The following TARBP2 variants were observed in gnomAD, a reference collection of about 807,000 sequenced individuals.
TARBP2 encodes RISC-loading complex subunit TARBP2.
TARBP2 carries 23 observed loss-of-function variants against 40.4 expected under a neutral mutation model. The observed-to-expected ratio is 0.57, with a 90% CI of 0.41 to 0.81. The LOEUF (loss-of-function observed/expected upper bound fraction) is 0.81. Among genes scored for constraint, TARBP2 ranks in the 30% least tolerant of loss-of-function variants. The pLI, the probability that TARBP2 is intolerant of heterozygous loss-of-function variation, is 0.00. For synonymous variants in TARBP2, 183 were observed against 190.5 expected (o/e 0.96, Z 0.32); for missense variants, 358 against 473.7 (o/e 0.76, Z 2.27).
upstream of TARBP2, chr12:53,501,236 C>T (rs1219661724): frequency 1.5e-6 from 1 of 687,176 alleles, no homozygotes; most frequent in Non-Finnish European, 2.4e-6. Context: ...TAGCTCCCCT[C>T]CAGATGGAGG....
intron 1 of TARBP2, chr12:53,501,716 C>T: frequency 7.0e-7 from 1 of 1,432,120 alleles, no homozygotes; most frequent in Non-Finnish European, 9.1e-7. Flanking sequence ...TTGGTGGGTA[C>T]TGGGTTCCTG....
In TARBP2 at chr12:53,501,583, G is replaced by A. The variant is rs1347908677; in HGVS notation, c.53+122G>A. Reference sequence around the variant, plus strand: ...GTTCCCGGCAAGCACTGGGGCAGTGGGCAGTGGTTCCCGGCGTGCACCGGG... The same window carrying A: ...GTTCCCGGCAAGCACTGGGGCAGTGAGCAGTGGTTCCCGGCGTGCACCGGG... On this transcript the variant is annotated intron_variant, in intron 1 of 8. Coordinates refer to ENST00000266987, the MANE Select transcript of TARBP2 (RefSeq NM_134323.2). The A allele has an allele frequency of 2.9e-5, 44 of 1,496,986 alleles. 1 individual carries two copies. In the South Asian group the frequency reaches 4.8e-4, roughly 16 times the overall value. The allele number at this position is 1,496,986 out of a possible 1,614,324, so 92.7% of individuals were successfully genotyped here. A position where few individuals can be genotyped will look rare whatever the true frequency, so the allele number is the denominator to read the frequency against.
rs1252357211 is a variant in TARBP2 at position 53,505,304 on chromosome 12, A to G, written c.741+42A>G. On this transcript the variant is annotated intron_variant, in intron 7 of 8. Transcript: ENST00000266987. The surrounding 1 kb of genome is among the most constrained non-coding windows in gnomAD (Gnocchi z 4.5). Reference sequence around the variant, plus strand: ...GGCCGGGCACCGTGGCCCATCCTCCATGCCAGGGCAGGGCTCCAGGGACTT... The same window carrying G: ...GGCCGGGCACCGTGGCCCATCCTCCGTGCCAGGGCAGGGCTCCAGGGACTT... 1 of 1,551,374 alleles carries G rather than the reference A, an allele frequency of 6.4e-7. No individual in the cohort carries two copies. The highest frequency in any genetic ancestry group is 2.3e-5 in the East Asian group (1 of 43,886).
intron 4 of TARBP2, 155 bp from the exon 5 acceptor site, chr12:53,504,242 G>A: frequency 1.5e-6 from 1 of 680,278 alleles, no homozygotes; most frequent in Non-Finnish European, 2.4e-6. Flanking sequence ...GCTAGAGCAG[G>A]AGGAGCAGGC....
rs748369421 is a variant in TARBP2, at chr12:53,505,465, G to C, written c.742-184G>C. On this transcript the variant is annotated intron_variant, in intron 7 of 8. Transcript: ENST00000266987. The surrounding 1 kb of genome is among the most constrained non-coding windows in gnomAD (Gnocchi z 4.5). The stretch of plus-strand genomic sequence containing the variant: ...CTCTGTAGCTCTGTTACTGGGGTGA[G>C]GAGGGATCCCTGGCCATCTGGCCCA... Among the ~76,000 whole-genome samples the C allele has an allele frequency of 6.6e-6, 1 of 152,220 alleles. No individual in the cohort carries two copies. The highest frequency in any genetic ancestry group is 1.5e-5 in the Non-Finnish European group (1 of 68,028).
Position 53,505,136 on chromosome 12 carries a change from G to A in TARBP2, c.615G>A (p.Gly205=), listed in dbSNP as rs200876264. The A allele has an allele frequency of 1.7e-4, 269 of 1,605,626 alleles. No individual in the cohort carries two copies. The highest frequency in any genetic ancestry group is 2.1e-4 in the Non-Finnish European group (247 of 1,173,488). Residue 205 remains glycine, a splice_region_variant and synonymous_variant, in exon 7 of 9, where the codon GGG becomes GGA. Transcript: ENST00000266987. This position sits in a 1 kb window ranked among gnomAD's most constrained non-coding sequence, Gnocchi z 4.5. ...CAGCAGCCCTCTCTCCACATGCAGGGAGTGGCACTTCCAAAAAATTGGCAA... is the reference window on the plus strand; with the variant it reads ...CAGCAGCCCTCTCTCCACATGCAGGAAGTGGCACTTCCAAAAAATTGGCAA... ...TCRVERFIEI[G]SGTSKKLAKR...
intron 2 of TARBP2, 44 bp downstream of exon 2, chr12:53,502,228 G>T (rs760893410): frequency 1.6e-5 from 26 of 1,606,800 alleles, no homozygotes; most frequent in Non-Finnish European, 2.0e-5. Context: ...GCATTTGCAG[G>T]TCCCCATGGC....
rs898222132 is a variant in TARBP2 at position 53,501,297 on chromosome 12, C to G, written c.-112C>G. On this transcript the variant is annotated 5_prime_UTR_variant, in exon 1 of 9. Coordinates refer to ENST00000266987, the MANE Select transcript of TARBP2 (RefSeq NM_134323.2). ...CTCCATATCCCAGCGTGCCCCGCGGCGGGCCCTACCGGCCGCGACTCCGGG... is the reference window on the plus strand; with the variant it reads ...CTCCATATCCCAGCGTGCCCCGCGGGGGGCCCTACCGGCCGCGACTCCGGG... 1 of 1,199,510 alleles carries G rather than the reference C, an allele frequency of 8.3e-7. No homozygotes were observed. The highest frequency in any genetic ancestry group is 1.5e-5 in the African/African-American group (1 of 65,792). 74.3% of individuals were successfully genotyped at this position (1,199,510 alleles called of 1,614,324 possible).
Position 53,505,102 on chromosome 12 carries a change from A to G in TARBP2, c.614-33A>G. On this transcript the variant is annotated intron_variant, in intron 6 of 8. Coordinates refer to ENST00000266987, the MANE Select transcript of TARBP2 (RefSeq NM_134323.2). This position sits in a 1 kb window ranked among gnomAD's most constrained non-coding sequence, Gnocchi z 4.5. ...GGTGGAAGCACTGGGTCTGTGGGGA[A>G]TCATAACCCAGCAGCCCTCTCTCCA... is the stretch of plus-strand genomic sequence containing the variant. 1 of 1,577,760 alleles carries G rather than the reference A, an allele frequency of 6.3e-7. No individual in the cohort carries two copies. Among genetic ancestry groups the G allele is most frequent in the Non-Finnish European group, 8.7e-7 (1 of 1,155,058 alleles).
chr12:53,503,936 A>T, intron 4 of TARBP2, 128 bp downstream of exon 4: 1 of 723,712 alleles, frequency 1.4e-6, no homozygotes, highest in South Asian at 1.6e-5. Flanking sequence ...AATAGTTGGG[A>T]ACCAGAACTT....
Position 53,506,030 on chromosome 12 carries a change from A to T in TARBP2, c.983A>T (p.Glu328Val), listed in dbSNP as rs1011575053. Residue 328 changes from glutamate to valine, a missense_variant, in exon 9 of 9, where the codon GAA becomes GTA. Physicochemically the swap from Glu to Val is moderately radical, Grantham distance 121 (BLOSUM62 -2). Coordinates refer to ENST00000266987, the MANE Select transcript of TARBP2 (RefSeq NM_134323.2). ...AGTGGACTCTGCCAGTGCCTGGTGG[A>T]ACTGTCCACCCAGCCGGCCACTGTG... is the stretch of plus-strand genomic sequence containing the variant. The part of the protein sequence containing the change: ...SLSGLCQCLV[E>V]LSTQPATVCH... 1.1e-5 allele frequency: 17 copies of T among 1,613,894 alleles called. No individual in the cohort carries two copies. The highest frequency in any genetic ancestry group is 6.7e-5 in the African/African-American group (5 of 74,896).
chr12:53,505,731 A>C lies in TARBP2; in HGVS notation c.824A>C (p.Lys275Thr). Residue 275 changes from lysine to threonine, a missense_variant, in exon 8 of 9, where the codon AAG becomes ACG. Transcript: ENST00000266987. This position sits in a 1 kb window ranked among gnomAD's most constrained non-coding sequence, Gnocchi z 4.5. ...WDSLRNSVGE[K>T]ILSLRSCSLG... is the part of the protein sequence containing the mutation. The stretch of plus-strand genomic sequence containing the variant: ...TCTCTACGAAATTCAGTAGGAGAGA[A>C]GATCCTGTCCCTCCGCAGTTGCTCC... 6.2e-7 allele frequency: 1 copy of C among 1,614,054 alleles called. No homozygotes were observed. The highest frequency in any genetic ancestry group is 2.2e-5 in the East Asian group (1 of 44,874).
chr12:53,504,295 G>T, intron 4 of TARBP2, 102 bp from the exon 5 acceptor site: 1 of 1,104,204 alleles, frequency 9.1e-7, no homozygotes, highest in East Asian at 2.6e-5. Flanking sequence ...GGAATCGGGA[G>T]ATGGTAGTCA....
Position 53,501,340 on chromosome 12 carries a change from C to T in TARBP2, c.-69C>T. Reference sequence around the variant, plus strand: ...ACTCCGGGCTTGGCCCCGGCCCTAGCTCGTCGGCTGTGTATTGGGGCGCGT... The same window carrying T: ...ACTCCGGGCTTGGCCCCGGCCCTAGTTCGTCGGCTGTGTATTGGGGCGCGT... On this transcript the variant is annotated 5_prime_UTR_variant, in exon 1 of 9. Coordinates refer to ENST00000266987, the MANE Select transcript of TARBP2 (RefSeq NM_134323.2). 3 of 1,535,812 alleles carry T rather than the reference C, an allele frequency of 2.0e-6. No homozygotes were observed. The highest frequency in any genetic ancestry group is 2.6e-6 in the Non-Finnish European group (3 of 1,134,942).
At position 53,504,389 on chromosome 12, in the gene TARBP2, T is replaced by C; in HGVS notation, c.423-8T>C. Reference sequence around the variant, plus strand: ...ACCTCAACTTTGGCCCTGTGCCTTTTCCTTCAGGAGCCCCCCCATGGAACT... The same window carrying C: ...ACCTCAACTTTGGCCCTGTGCCTTTCCCTTCAGGAGCCCCCCCATGGAACT... On this transcript the variant is annotated splice_polypyrimidine_tract_variant and splice_region_variant and intron_variant, in intron 4 of 8. Coordinates refer to ENST00000266987, the MANE Select transcript of TARBP2 (RefSeq NM_134323.2). 1 of 1,552,378 alleles carries C rather than the reference T, an allele frequency of 6.4e-7. No homozygotes were observed. Among genetic ancestry groups the C allele is most frequent in the Non-Finnish European group, 8.6e-7 (1 of 1,156,514 alleles).
At chr12:53,504,282 G>T in intron 4 of TARBP2, 115 bp from the exon 5 acceptor site, 2 of 981,666 alleles carry the variant, frequency 2.0e-6, no homozygotes, top group Non-Finnish European at 1.5e-6. Context: ...CTCCCCACCC[G>T]GTGGAATCGG....
At position 53,505,897 on chromosome 12, in the gene TARBP2, G is replaced by A. The variant is rs192396592; in HGVS notation, c.943+47G>A. 2,407 of 1,607,120 alleles carry A rather than the reference G, an allele frequency of 1.5e-3. 6 individuals are homozygous for A. Among genetic ancestry groups the A allele is most frequent in the Non-Finnish European group, 1.9e-3 (2,256 of 1,174,524 alleles). On this transcript the variant is annotated intron_variant, in intron 8 of 8. Coordinates refer to ENST00000266987, the MANE Select transcript of TARBP2 (RefSeq NM_134323.2). The surrounding 1 kb of genome is among the most constrained non-coding windows in gnomAD (Gnocchi z 4.5). ...GCCAGGGGATGGTGGGGGCTGGACCGGAGCAAGTAGAAGGGGGTGATGATA... is the reference window on the plus strand; with the variant it reads ...GCCAGGGGATGGTGGGGGCTGGACCAGAGCAAGTAGAAGGGGGTGATGATA...
At chr12:53,501,678 G>A (rs1943717058) in intron 1 of TARBP2, 3 of 1,438,610 alleles carry the variant, frequency 2.1e-6, no homozygotes, top group Middle Eastern at 2.5e-4. Context: ...CTGGAACACT[G>A]GGCTTTATGC....
At position 53,505,025 on chromosome 12, in the gene TARBP2, T is replaced by G; in HGVS notation, c.614-110T>G. 6.6e-7 allele frequency: 1 copy of G among 1,520,826 alleles called. No individual in the cohort carries two copies. The highest frequency in any genetic ancestry group is 8.9e-7 in the Non-Finnish European group (1 of 1,127,252). 94.2% of individuals were successfully genotyped at this position (1,520,826 alleles called of 1,614,324 possible). On this transcript the variant is annotated intron_variant, in intron 6 of 8. Coordinates refer to ENST00000266987, the MANE Select transcript of TARBP2 (RefSeq NM_134323.2). The surrounding 1 kb of genome is among the most constrained non-coding windows in gnomAD (Gnocchi z 4.5). ...CTCACGTGCATGGGCAGGTCTTGAGTTCCCCTTTCCAGTTGACATTCTGGG... is the reference window on the plus strand; with the variant it reads ...CTCACGTGCATGGGCAGGTCTTGAGGTCCCCTTTCCAGTTGACATTCTGGG...
Sources: allele counts gnomAD v4.1 joint callset (sites outside exome capture counted in the v4.1 genomes callset), GRCh38; gene constraint gnomAD v4.1.1; non-coding constraint Gnocchi (gnomAD v3.1); transcripts MANE v1.5; gene names NCBI Gene and HGNC (gene_info 2026-07-23, HGNC 2026-07-21).